BRAF: variants seen among roughly 807,000 people sequenced by gnomAD.
BRAF encodes B-Raf proto-oncogene, serine/threonine kinase, also known as serine/threonine-protein kinase B-raf.
Under a neutral mutation model 104.6 loss-of-function variants are expected in BRAF, and 16 were observed. The ratio of observed to expected loss-of-function variants is 0.15; its 90% CI spans 0.10 to 0.23. The LOEUF (loss-of-function observed/expected upper bound fraction) is 0.23, where lower values mean the gene tolerates loss of function less well. Ranked by LOEUF, BRAF falls within the 10% of genes least tolerant of loss-of-function variation. The pLI, the probability that BRAF is intolerant of heterozygous loss-of-function variation, is 1.00. For synonymous variants in BRAF, 310 were observed against 341.6 expected, an observed-to-expected ratio of 0.91 and a Z score of 1.02; for missense variants, 541 against 937.3, an observed-to-expected ratio of 0.58 and a Z score of 5.52.
chr7:140,917,670 CTTACT>C (rs893386444), intron 1 of BRAF, among the ~76,000 whole-genome samples: 1 of 152,190 alleles, frequency 6.6e-6, no homozygotes, highest in African/African-American at 2.4e-5. Flanking sequence ...TAACCTACAT[CTTACT>C]TTGAGAACCT....
At chr7:140,916,345 C>T (rs970829513) in intron 1 of BRAF, among the ~76,000 whole-genome samples, 7 of 152,180 alleles carry the variant, frequency 4.6e-5, no homozygotes, top group Admixed American at 4.6e-4. Flanking sequence ...CTACCATATG[C>T]CTTTCCTTAG....
At chr7:140,812,528 AC>A (rs762781380) in intron 3 of BRAF, among the ~76,000 whole-genome samples, 7 of 152,188 alleles carry the variant, frequency 4.6e-5, no homozygotes, top group Non-Finnish European at 1.0e-4. Flanking sequence ...ATGCTTCTCT[AC>A]ATATGCTGAT....
chr7:140,884,591 C>T (rs1813343466), intron 1 of BRAF, among the ~76,000 whole-genome samples: 1 of 151,904 alleles, frequency 6.6e-6, no homozygotes, highest in East Asian at 1.9e-4. Flanking sequence ...GTGATCCTCT[C>T]ACCTCAGCCT....
intron 7 of BRAF, among the ~76,000 whole-genome samples, chr7:140,797,449 G>C (rs1181127891): frequency 6.6e-6 from 1 of 151,386 alleles, no homozygotes; most frequent in Non-Finnish European, 1.5e-5. Context: ...ATCAGGACTA[G>C]TAACAAACTG....
chr7:140,856,233 A>T (rs1251012623), intron 1 of BRAF, among the ~76,000 whole-genome samples: 1 of 151,806 alleles, frequency 6.6e-6, no homozygotes, highest in East Asian at 1.9e-4. Flanking sequence ...CAAGAAACAA[A>T]TAATTGTTAC....
At chr7:140,810,023 G>A (rs2129048935) in intron 3 of BRAF, among the ~76,000 whole-genome samples, 1 of 152,282 alleles carries the variant, frequency 6.6e-6, no homozygotes, top group South Asian at 2.1e-4. Flanking sequence ...GTTTTTATTG[G>A]GAGGTGTAAG....
chr7:140,797,180 T>C (rs1802578089), intron 7 of BRAF, among the ~76,000 whole-genome samples: 1 of 152,192 alleles, frequency 6.6e-6, no homozygotes, highest in Non-Finnish European at 1.5e-5. Context: ...ATTTTAATTA[T>C]AATACCCTTC....
rs1412321681 is a variant in BRAF, at chr7:140,806,702, A to C, written c.711+1258T>G. Reference sequence around the variant, plus strand: ...TCTTAAGAACTTAAATAAAAATGTTAAGATTTATCCACTTAAAATTCAACA... The same window carrying C: ...TCTTAAGAACTTAAATAAAAATGTTCAGATTTATCCACTTAAAATTCAACA... On this transcript the variant is annotated intron_variant, in intron 5 of 19. Transcript: ENST00000644969. Among the ~76,000 whole-genome samples the C allele has an allele frequency of 3.3e-5, 5 of 152,204 alleles. No individual in the cohort carries two copies. The East Asian group carries it at 9.6e-4, about 29-fold the overall frequency.
At chr7:140,766,442 TA>T (rs1387202439) in intron 14 of BRAF, among the ~76,000 whole-genome samples, 19 of 148,464 alleles carry the variant, frequency 1.3e-4, no homozygotes, top group Admixed American at 1.0e-3. Context: ...AGTATAATAA[TA>T]AAAAAAACAA....
intron 17 of BRAF, among the ~76,000 whole-genome samples, chr7:140,746,654 C>T (rs1797370061): frequency 6.6e-6 from 1 of 151,598 alleles, no homozygotes; most frequent in Admixed American, 6.6e-5. Flanking sequence ...CATGGTGAAA[C>T]CCCTGTCTCT....
chr7:140,714,407 A>C (rs1199092883), downstream of BRAF, among the ~76,000 whole-genome samples: 1 of 152,196 alleles, frequency 6.6e-6, no homozygotes, highest in Non-Finnish European at 1.5e-5. Context: ...TGTCTTAGTC[A>C]CCCAGGCTGG....
chr7:140,809,758 T>A (rs917487066), intron 3 of BRAF, among the ~76,000 whole-genome samples: 6 of 152,004 alleles, frequency 3.9e-5, no homozygotes, highest in African/African-American at 1.5e-4. Flanking sequence ...TCTGGAGCCC[T>A]CAATGGCCAT....
At chr7:140,749,482 A>G in intron 16 of BRAF, 64 bp from the exon 16 acceptor site, 7 of 1,540,940 alleles carry the variant, frequency 4.5e-6, no homozygotes, top group Non-Finnish European at 6.3e-6. Flanking sequence ...AAAACAACCT[A>G]CTATAATTCC....
intron 1 of BRAF, among the ~76,000 whole-genome samples, chr7:140,859,035 A>G (rs2129081413): frequency 6.6e-6 from 1 of 152,318 alleles, no homozygotes; most frequent in East Asian, 1.9e-4. Flanking sequence ...GTGTTCTAAC[A>G]CATTAGCCAG....
At chr7:140,792,377 G>C (rs547373009) in intron 8 of BRAF, among the ~76,000 whole-genome samples, 1 of 152,156 alleles carries the variant, frequency 6.6e-6, no homozygotes, top group Admixed American at 6.5e-5. Flanking sequence ...TTAGATTTCA[G>C]AGTAATACAC....
At chr7:140,879,878 C>T (rs1057439068) in intron 1 of BRAF, among the ~76,000 whole-genome samples, 3 of 151,864 alleles carry the variant, frequency 2.0e-5, no homozygotes, top group Non-Finnish European at 2.9e-5. Flanking sequence ...ATTACAGGTG[C>T]GTGCCACCAC....
intron 14 of BRAF, among the ~76,000 whole-genome samples, chr7:140,765,603 GA>G (rs1183242790): frequency 1.3e-5 from 2 of 151,676 alleles, no homozygotes; most frequent in Admixed American, 1.3e-4. Flanking sequence ...AAATTTACAA[GA>G]AAAAAACAAA....
intron 1 of BRAF, among the ~76,000 whole-genome samples, chr7:140,883,447 T>C (rs920853118): frequency 1.6e-4 from 25 of 152,240 alleles, no homozygotes; most frequent in African/African-American, 6.0e-4. Flanking sequence ...CAAGAATCTC[T>C]AGTTAATTAA....
chr7:140,729,871 A>C (rs1158147357), intron 19 of BRAF, among the ~76,000 whole-genome samples: 1 of 152,162 alleles, frequency 6.6e-6, no homozygotes, highest in Admixed American at 6.5e-5. Context: ...AAAATTTAAA[A>C]CCAAACAACC....
Sources: allele counts gnomAD v4.1 joint callset (sites outside exome capture counted in the v4.1 genomes callset), GRCh38; gene constraint gnomAD v4.1.1; transcripts MANE v1.5; gene names NCBI Gene and HGNC (gene_info 2026-07-23, HGNC 2026-07-21).